The following PABPC1 variants were observed in gnomAD, a reference collection of about 807,000 sequenced individuals.
PABPC1 encodes poly(A) binding protein cytoplasmic 1.
Under a neutral mutation model 74.0 loss-of-function variants are expected in PABPC1, and 4 were observed. The ratio of observed to expected loss-of-function variants is 0.05; its 90% CI spans 0.03 to 0.12. The LOEUF (loss-of-function observed/expected upper bound fraction) is 0.12. Among genes scored for constraint, PABPC1 ranks in the 10% least tolerant of loss-of-function variants. PABPC1 has a pLI of 1.00. For missense variants in PABPC1, 271 were observed against 821.1 expected (o/e 0.33, Z 8.19); for synonymous variants, 227 against 264.1 (o/e 0.86, Z 1.36).
intron 5 of PABPC1, 44 bp downstream of exon 5, chr8:100,713,043 T>C: frequency 7.3e-7 from 1 of 1,369,848 alleles, no homozygotes; most frequent in Non-Finnish European, 1.0e-6. Flanking sequence ...CAAGAGCAAC[T>C]CAACTTTGTA....
At position 100,706,821 on chromosome 8, in the gene PABPC1, A is replaced by C. The variant is rs989338660; in HGVS notation, c.1448-16T>G. On this transcript the variant is annotated splice_polypyrimidine_tract_variant and intron_variant, in intron 10 of 14. Transcript: ENST00000318607. The stretch of plus-strand genomic sequence containing the variant: ...GATGTGTTAGCTAAAAAATAAGAAC[A>C]TTTTGTATTTTTATCTTGCTCTTTC... 6 of 1,180,072 alleles carry C rather than the reference A, an allele frequency of 5.1e-6. No homozygotes were observed. In the African/African-American group the frequency reaches 8.1e-5, roughly 16 times the overall value. The allele number at this position is 1,180,072 out of a possible 1,614,324, so 73.1% of individuals were successfully genotyped here. A position where few individuals can be genotyped will look rare whatever the true frequency, so the allele number is the denominator to read the frequency against.
intron 4 of PABPC1, among the ~76,000 whole-genome samples, chr8:100,714,272 A>G (rs1351871908): frequency 6.6e-6 from 1 of 152,262 alleles, no homozygotes; most frequent in East Asian, 1.9e-4. Flanking sequence ...TAAGACATTA[A>G]GAAGCATGAC....
chr8:100,709,187 T>A lies in PABPC1; in HGVS notation c.1282A>T (p.Ile428Phe). 1 of 1,614,098 alleles carries A rather than the reference T, an allele frequency of 6.2e-7. No homozygotes were observed. The highest frequency in any genetic ancestry group is 8.5e-7 in the Non-Finnish European group (1 of 1,180,022). The change falls in exon 9 of 15, where the codon ATT (isoleucine) becomes TTT (phenylalanine). Residue 428 changes from isoleucine to phenylalanine, a missense_variant. By Grantham distance (21) the Ile-to-Phe change is conservative. Transcript: ENST00000318607. ...CGAGGACTTGGTCTTAGTTGAGCAA[T>A]TTGGCTAGGAGGATAGTATGCAGCA... ...NRAAYYPPSQ[I>F]AQLRPSPRWT...
intron 1 of PABPC1, among the ~76,000 whole-genome samples, chr8:100,720,795 G>C (rs2129767202): frequency 6.6e-6 from 1 of 152,330 alleles, no homozygotes; most frequent in African/African-American, 2.4e-5. Flanking sequence ...GTTCTGGGAA[G>C]TGGACTCACA....
At chr8:100,711,597 G>A (rs1047645348) in intron 7 of PABPC1, among the ~76,000 whole-genome samples, 6 of 152,192 alleles carry the variant, frequency 3.9e-5, no homozygotes, top group Admixed American at 2.0e-4. Flanking sequence ...AAATTCTATC[G>A]TACTCCAATA....
chr8:100,705,532 G>GT, intron 12 of PABPC1, 57 bp downstream of exon 12: 1 of 1,055,630 alleles, frequency 9.5e-7, no homozygotes, highest in South Asian at 1.3e-5. Context: ...TAGTGCCTAA[G>GT]TGATTCCTAT....
chr8:100,709,799 T>G, intron 7 of PABPC1, 68 bp from the exon 8 acceptor site: 1 of 1,417,904 alleles, frequency 7.1e-7, no homozygotes, highest in Non-Finnish European at 9.5e-7. Flanking sequence ...AGCGTTACAA[T>G]TTAGACAATT....
At chr8:100,704,093 G>A (rs1810319319) in intron 14 of PABPC1, 1 of 461,358 alleles carries the variant, frequency 2.2e-6, no homozygotes, top group African/African-American at 2.1e-5. Context: ...TGAAAGTCCT[G>A]GGATTTTAAA....
At chr8:100,705,461 A>G (rs1693552) in intron 12 of PABPC1, 128 bp downstream of exon 12, 222,649 of 729,462 alleles carry the variant, frequency 0.31, 34,762 homozygotes, top group South Asian at 0.36. Flanking sequence ...CAACTGTACT[A>G]TCATAATCAT....
intron 13 of PABPC1, among the ~76,000 whole-genome samples, chr8:100,704,593 ACT>A (rs1810333127): frequency 6.6e-6 from 1 of 151,976 alleles, no homozygotes; most frequent in Non-Finnish European, 1.5e-5. Context: ...CCCCTGCACT[ACT>A]CTTTCCTTGT....
At chr8:100,717,251 G>A (rs1389241599) in intron 3 of PABPC1, among the ~76,000 whole-genome samples, 5 of 152,000 alleles carry the variant, frequency 3.3e-5, no homozygotes, top group African/African-American at 4.8e-5. Flanking sequence ...CAGGTGATCC[G>A]CCCACCTCGG....
At chr8:100,717,697 T>C (rs1456391068) in intron 3 of PABPC1, 76 bp downstream of exon 3, 3 of 894,092 alleles carry the variant, frequency 3.4e-6, no homozygotes, top group East Asian at 2.7e-5. Context: ...CTGACAAATA[T>C]TAACTTAAAA....
chr8:100,712,553 C>T (rs904519827), intron 6 of PABPC1, 96 bp from the exon 7 acceptor site: 2 of 1,484,766 alleles, frequency 1.3e-6, no homozygotes, highest in East Asian at 2.3e-5. Context: ...TTCTCCTATT[C>T]CCCTCTCAAA....
intron 7 of PABPC1, among the ~76,000 whole-genome samples, chr8:100,710,377 C>T (rs1054233247): frequency 6.6e-6 from 1 of 152,084 alleles, no homozygotes; most frequent in East Asian, 1.9e-4. Flanking sequence ...TAACAGTATG[C>T]GAGTGGCATA....
At chr8:100,720,985 G>A (rs1188872692) in intron 1 of PABPC1, among the ~76,000 whole-genome samples, 1 of 152,194 alleles carries the variant, frequency 6.6e-6, no homozygotes, top group Non-Finnish European at 1.5e-5. Context: ...CCAGGCTGGG[G>A]CGCCGGCAGG....
Position 100,704,943 on chromosome 8 carries a change from C to G in PABPC1, c.1801G>C (p.Glu601Gln), listed in dbSNP as rs1810343361. ...TAAATCACCTTAGAACGGAGTGACTCTGGAGACTCGAGCATATGAAGAAGT... is the reference window on the plus strand; with the variant it reads ...TAAATCACCTTAGAACGGAGTGACTGTGGAGACTCGAGCATATGAAGAAGT... ...SELLHMLESP[E>Q]SLRSKVDEAV... The change falls in exon 13 of 15, where the codon GAG (glutamate) becomes CAG (glutamine). Residue 601 changes from glutamate to glutamine, a missense_variant. Coordinates refer to ENST00000318607, the MANE Select transcript of PABPC1 (RefSeq NM_002568.4). The G allele has an allele frequency of 6.2e-7, 1 of 1,612,278 alleles. No homozygotes were observed. The highest frequency in any genetic ancestry group is 1.3e-5 in the African/African-American group (1 of 74,872).
intron 9 of PABPC1, 31 bp downstream of exon 9, chr8:100,709,102 C>G (rs778323388): frequency 1.3e-6 from 2 of 1,536,524 alleles, no homozygotes; most frequent in African/African-American, 2.7e-5. Flanking sequence ...TAACTCAATC[C>G]CCAACCTTAA....
chr8:100,721,283 T>A lies in PABPC1; in HGVS notation c.193+108A>T, dbSNP rs546612175. On this transcript the variant is annotated intron_variant, in intron 1 of 14. Transcript: ENST00000318607. This position sits in a 1 kb window ranked among gnomAD's most constrained non-coding sequence, Gnocchi z 7.4. ...TCCCGCCGGCCGTCGCGGGGTGACATGCCCTCCCGCCCCCCTCCCCGGGCC... is the reference window on the plus strand; with the variant it reads ...TCCCGCCGGCCGTCGCGGGGTGACAAGCCCTCCCGCCCCCCTCCCCGGGCC... 1.9e-4 allele frequency: 79 copies of A among 414,972 alleles called. No individual in the cohort carries two copies. The South Asian group carries it at 6.9e-3, about 36-fold the overall frequency. 25.7% of individuals were successfully genotyped at this position (414,972 alleles called of 1,614,324 possible). A position where few individuals can be genotyped will look rare whatever the true frequency, so the allele number is the denominator to read the frequency against.
At chr8:100,713,925 G>GAA (rs34275030) in intron 4 of PABPC1, among the ~76,000 whole-genome samples, 2 of 151,790 alleles carry the variant, frequency 1.3e-5, no homozygotes, top group African/African-American at 4.8e-5. Context: ...GAAAGACAGG[G>GAA]AAAAAAAATT....
Sources: allele counts gnomAD v4.1 joint callset (sites outside exome capture counted in the v4.1 genomes callset), GRCh38; gene constraint gnomAD v4.1.1; non-coding constraint Gnocchi (gnomAD v3.1); transcripts MANE v1.5; gene names NCBI Gene and HGNC (gene_info 2026-07-23, HGNC 2026-07-21).